The following SYNDIG1 variants were observed in gnomAD, a reference collection of about 807,000 sequenced individuals.
SYNDIG1 encodes synapse differentiation inducing 1.
A neutral mutation model predicts 19.4 loss-of-function variants in SYNDIG1; 9 were observed. The observed-to-expected ratio is 0.46, with a 90% CI of 0.28 to 0.81. The LOEUF (loss-of-function observed/expected upper bound fraction) is 0.81, where lower values mean the gene tolerates loss of function less well. Ranked by LOEUF, SYNDIG1 falls within the 30% of genes least tolerant of loss-of-function variation. The pLI, the probability that SYNDIG1 is intolerant of heterozygous loss-of-function variation, is 0.12. For missense variants in SYNDIG1, 311 were observed against 343.3 expected (o/e 0.91, Z 0.74); for synonymous variants, 141 against 145.9 (o/e 0.97, Z 0.24).
At position 24,584,870 on chromosome 20, in the gene SYNDIG1, C is replaced by T. The variant is rs754855354; in HGVS notation, c.495C>T (p.Ser165=). 8.1e-6 allele frequency: 13 copies of T among 1,614,044 alleles called. No homozygotes were observed. Among genetic ancestry groups the T allele is most frequent in the Middle Eastern group, 1.6e-4 (1 of 6,080 alleles). The change falls in exon 3 of 4, where the codon AGC becomes AGT. Residue 165 remains serine (S), a synonymous_variant. Coordinates refer to ENST00000376862, the MANE Select transcript of SYNDIG1 (RefSeq NM_024893.3). ...EFQELESDYS[S]DTESEDNFLM... ...CTCTCTTGCAGAGCGACTACTCAAG[C>T]GACACAGAGAGTGAGGACAATTTCC...
At chr20:24,626,084 C>T (rs2059125259) in intron 3 of SYNDIG1, among the ~76,000 whole-genome samples, 1 of 151,306 alleles carries the variant, frequency 6.6e-6, no homozygotes, top group African/African-American at 2.4e-5. Flanking sequence ...GCTGGCTGGG[C>T]AGAGGGGCTC....
At chr20:24,536,935 T>C (rs2057374007) in intron 1 of SYNDIG1, among the ~76,000 whole-genome samples, 1 of 152,162 alleles carries the variant, frequency 6.6e-6, no homozygotes, top group Admixed American at 6.5e-5. Context: ...CCAAAAGCAC[T>C]TTGAGCAGTA....
intron 1 of SYNDIG1, among the ~76,000 whole-genome samples, chr20:24,497,909 A>G (rs1342849235): frequency 1.3e-5 from 2 of 152,234 alleles, no homozygotes; most frequent in East Asian, 3.8e-4. Flanking sequence ...AAGTGCTGAC[A>G]GTAAAGAGCT....
intron 1 of SYNDIG1, among the ~76,000 whole-genome samples, chr20:24,486,634 T>A (rs916840294): frequency 2.7e-5 from 4 of 150,566 alleles, no homozygotes; most frequent in South Asian, 2.1e-4. Context: ...TTTTTCTTTC[T>A]TTCATTTATT....
chr20:24,585,981 A>C (rs2058411222), intron 3 of SYNDIG1, among the ~76,000 whole-genome samples: 1 of 152,338 alleles, frequency 6.6e-6, no homozygotes, highest in Admixed American at 6.5e-5. Flanking sequence ...GGCTGAGCCC[A>C]GCAGTTGCTT....
intron 3 of SYNDIG1, among the ~76,000 whole-genome samples, chr20:24,632,972 T>C (rs1176410000): frequency 6.6e-6 from 1 of 151,998 alleles, no homozygotes; most frequent in Non-Finnish European, 1.5e-5. Flanking sequence ...TTTTTCGTTT[T>C]GGTCAATAAA....
intron 3 of SYNDIG1, among the ~76,000 whole-genome samples, chr20:24,614,521 C>T (rs1192826626): frequency 6.6e-6 from 1 of 151,366 alleles, no homozygotes; most frequent in Non-Finnish European, 1.5e-5. Flanking sequence ...GGGGAACTAA[C>T]CTAAAGTTGC....
chr20:24,592,293 C>T (rs77043539), intron 3 of SYNDIG1, among the ~76,000 whole-genome samples: 4,424 of 152,188 alleles, frequency 0.029, 206 homozygotes, highest in African/African-American at 0.099. Flanking sequence ...GACACGACAC[C>T]ATCATTGTTC....
chr20:24,478,762 A>G (rs114054811), intron 1 of SYNDIG1, among the ~76,000 whole-genome samples: 2,551 of 152,310 alleles, frequency 0.017, 91 homozygotes, highest in African/African-American at 0.058. Context: ...GGGGAGGCCC[A>G]GTTCCTAGGC....
In SYNDIG1 at chr20:24,499,755, A is replaced by G. The variant is rs144873775; in HGVS notation, c.-79+30002A>G. On this transcript the variant is annotated intron_variant, in intron 1 of 3. Transcript: ENST00000376862. ...CTGGTGGGAGAGAAAGCAGGAAAGC[A>G]AAAGCATCCTTGGTAAGGCAAGGAG... Among the ~76,000 whole-genome samples, 130 of 152,344 alleles carry G rather than the reference A, an allele frequency of 8.5e-4. 1 individual carries two copies. Among genetic ancestry groups the G allele is most frequent in the Middle Eastern group, 6.8e-3 (2 of 294 alleles).
chr20:24,554,316 G>A (rs2057766993), intron 2 of SYNDIG1, among the ~76,000 whole-genome samples: 2 of 152,040 alleles, frequency 1.3e-5, no homozygotes, highest in African/African-American at 4.8e-5. Context: ...CTGCCTAATT[G>A]CCCTGGCCAG....
chr20:24,529,767 T>C lies in SYNDIG1; in HGVS notation c.-78-13253T>C, dbSNP rs1600532103. 3.1e-5 allele frequency among the ~76,000 whole-genome samples: 4 copies of C among 128,034 alleles called. No homozygotes were observed. The Middle Eastern group carries it at 0.012, about 375-fold the overall frequency. 84.0% of individuals were successfully genotyped at this position (128,034 alleles called of 152,430 possible). A position where few individuals can be genotyped will look rare whatever the true frequency, so the allele number is the denominator to read the frequency against. On this transcript the variant is annotated intron_variant, in intron 1 of 3. Transcript: ENST00000376862. ...GGTGGTAATGGTGATGGTACTCCTA[T>C]TGACAGTTTCAGTGGTGGGGACGGT...
intron 1 of SYNDIG1, among the ~76,000 whole-genome samples, chr20:24,509,335 C>T (rs2056683889): frequency 6.6e-6 from 1 of 152,046 alleles, no homozygotes; most frequent in South Asian, 2.1e-4. Context: ...TAGATGTTAC[C>T]CTTAAATTTT....
At chr20:24,561,163 G>C (rs6083556) in intron 2 of SYNDIG1, among the ~76,000 whole-genome samples, 39,142 of 151,746 alleles carry the variant, frequency 0.26, 5,771 homozygotes, top group East Asian at 0.57. Flanking sequence ...TGTGTGCTTT[G>C]GACAATGCAT....
At chr20:24,481,181 G>A (rs1252132636) in intron 1 of SYNDIG1, among the ~76,000 whole-genome samples, 5 of 152,150 alleles carry the variant, frequency 3.3e-5, no homozygotes, top group Non-Finnish European at 7.4e-5. Context: ...CTAGTTACTG[G>A]TATGTAGTTA....
intron 3 of SYNDIG1, among the ~76,000 whole-genome samples, chr20:24,661,433 GGAAGGAAGGA>G: frequency 7.3e-6 from 1 of 136,474 alleles, no homozygotes; most frequent in South Asian, 2.4e-4. Context: ...GAAGGAGGGA[GGAAGGAAGGA>G]GGAAAGAGGG....
intron 1 of SYNDIG1, among the ~76,000 whole-genome samples, chr20:24,541,103 T>G (rs1173350126): frequency 6.6e-6 from 1 of 152,200 alleles, no homozygotes; most frequent in Non-Finnish European, 1.5e-5. Flanking sequence ...CTGAAAACTT[T>G]CCTTGCTCAA....
intron 1 of SYNDIG1, among the ~76,000 whole-genome samples, chr20:24,489,501 A>G (rs1600413168): frequency 6.6e-6 from 1 of 151,928 alleles, no homozygotes; most frequent in Non-Finnish European, 1.5e-5. Context: ...ATGGACACAT[A>G]GACACAGATA....
rs145722393 is a variant in SYNDIG1 at position 24,638,722 on chromosome 20, C to T, written c.619-26624C>T. Among the ~76,000 whole-genome samples, 4 of 152,042 alleles carry T rather than the reference C, an allele frequency of 2.6e-5. No homozygotes were observed. In the East Asian group the frequency reaches 7.7e-4, roughly 29 times the overall value. Reference sequence around the variant, plus strand: ...CTGTGAATGTGATTGCTACTGAAAACAAACAAAAAAAGGAATGGCCATTGT... The same window carrying T: ...CTGTGAATGTGATTGCTACTGAAAATAAACAAAAAAAGGAATGGCCATTGT... On this transcript the variant is annotated intron_variant, in intron 3 of 3. Coordinates refer to ENST00000376862, the MANE Select transcript of SYNDIG1 (RefSeq NM_024893.3).
Sources: gnomAD v4.1 joint callset for allele counts (sites outside exome capture counted in the v4.1 genomes callset) on GRCh38, gnomAD v4.1.1 for gene constraint, MANE v1.5 for transcripts, NCBI Gene and HGNC (gene_info 2026-07-23, HGNC 2026-07-21) for gene names.